MOB3B: variants seen among roughly 807,000 people sequenced by gnomAD.
The protein encoded by MOB3B is MOB kinase activator-like 2B.
A neutral mutation model predicts 18.7 loss-of-function variants in MOB3B; 7 were observed. That is an observed-to-expected ratio of 0.37 (90% CI 0.21 to 0.70). The LOEUF is 0.70. Among genes scored for constraint, MOB3B ranks in the 30% least tolerant of loss-of-function variants. The pLI is 0.52. For missense variants in MOB3B, 253 were observed against 281.3 expected (o/e 0.90, Z 0.72); for synonymous variants, 111 against 99.9 (o/e 1.11, Z -0.66).
chr9:27,487,024 A>G (rs1222803091), intron 1 of MOB3B, among the ~76,000 whole-genome samples: 2 of 152,042 alleles, frequency 1.3e-5, no homozygotes, highest in East Asian at 3.9e-4. Context: ...CCAGCTACTC[A>G]GGAGGCTGAG....
chr9:27,503,219 G>GA (rs899452705), intron 1 of MOB3B, among the ~76,000 whole-genome samples: 4 of 152,096 alleles, frequency 2.6e-5, no homozygotes, highest in Non-Finnish European at 5.9e-5. Flanking sequence ...ACTGGGAGTT[G>GA]AAAAAATTTC....
intron 3 of MOB3B, among the ~76,000 whole-genome samples, chr9:27,334,199 G>C (rs1343623926): frequency 6.6e-6 from 1 of 152,098 alleles, no homozygotes; most frequent in Non-Finnish European, 1.5e-5. Flanking sequence ...CAGTTATTTT[G>C]AGAAAAAATA....
intron 1 of MOB3B, among the ~76,000 whole-genome samples, chr9:27,521,990 C>G (rs1410204851): frequency 6.6e-6 from 1 of 151,926 alleles, no homozygotes. Flanking sequence ...CGCCTGTAAT[C>G]CCAGCACTTT....
intron 2 of MOB3B, among the ~76,000 whole-genome samples, chr9:27,373,198 T>C (rs576124398): frequency 2.8e-4 from 43 of 152,162 alleles, no homozygotes; most frequent in Non-Finnish European, 5.9e-4. Flanking sequence ...CACTTCAAGA[T>C]GGCAACAGCA....
At chr9:27,379,326 C>T (rs960794278) in intron 2 of MOB3B, among the ~76,000 whole-genome samples, 1 of 152,146 alleles carries the variant, frequency 6.6e-6, no homozygotes, top group Non-Finnish European at 1.5e-5. Context: ...GGGTTTCCTT[C>T]AACTCTGAAA....
intron 1 of MOB3B, among the ~76,000 whole-genome samples, chr9:27,499,981 T>C (rs1819964695): frequency 6.6e-6 from 1 of 152,350 alleles, no homozygotes; most frequent in Non-Finnish European, 1.5e-5. Context: ...ATTAGTCTTA[T>C]ACAAAGTCGG....
At chr9:27,449,795 G>T (rs1210655028) in intron 2 of MOB3B, among the ~76,000 whole-genome samples, 1 of 151,962 alleles carries the variant, frequency 6.6e-6, no homozygotes, top group Non-Finnish European at 1.5e-5. Flanking sequence ...GGCCAAGATG[G>T]CAAAACCCCA....
intron 1 of MOB3B, among the ~76,000 whole-genome samples, chr9:27,512,258 A>C (rs1423942166): frequency 6.6e-6 from 1 of 152,110 alleles, no homozygotes; most frequent in African/African-American, 2.4e-5. Flanking sequence ...CCATCCTATA[A>C]TTTTGGATGT....
chr9:27,469,032 C>T (rs1427648282), intron 1 of MOB3B, among the ~76,000 whole-genome samples: 2 of 152,156 alleles, frequency 1.3e-5, no homozygotes, highest in African/African-American at 4.8e-5. Flanking sequence ...TGCAATACCA[C>T]GCAAAGACCT....
At chr9:27,493,819 A>G (rs906417580) in intron 1 of MOB3B, among the ~76,000 whole-genome samples, 1 of 152,210 alleles carries the variant, frequency 6.6e-6, no homozygotes. Context: ...TTTGAGCAAT[A>G]CGAAATCTGG....
At chr9:27,338,364 A>G (rs949476033) in intron 3 of MOB3B, among the ~76,000 whole-genome samples, 4 of 151,918 alleles carry the variant, frequency 2.6e-5, no homozygotes, top group Admixed American at 1.3e-4. Context: ...AGGGAGCAGA[A>G]CTCTGGGTGT....
At chr9:27,525,451 G>T (rs577018814) in intron 1 of MOB3B, among the ~76,000 whole-genome samples, 1 of 152,180 alleles carries the variant, frequency 6.6e-6, no homozygotes, top group East Asian at 1.9e-4. Flanking sequence ...CCTCCTGCTC[G>T]GGGGGAAAAA....
intron 2 of MOB3B, among the ~76,000 whole-genome samples, chr9:27,395,306 G>A (rs895270646): frequency 6.6e-5 from 10 of 152,134 alleles, no homozygotes; most frequent in African/African-American, 2.4e-4. Flanking sequence ...GATTGTAAAT[G>A]TTCTCACCAC....
At chr9:27,521,022 A>T (rs1820316429) in intron 1 of MOB3B, among the ~76,000 whole-genome samples, 1 of 152,188 alleles carries the variant, frequency 6.6e-6, no homozygotes, top group Non-Finnish European at 1.5e-5. Flanking sequence ...TTTGTCATGA[A>T]TATTGTCAAT....
rs140668808 is a variant in MOB3B at position 27,452,035 on chromosome 9, A to G, written c.418+3098T>C. ...TGACCGTAACATCTCACCTTGGAAA[A>G]GTTAAACAGAGAAAATGGAACCCTA... On this transcript the variant is annotated intron_variant, in intron 2 of 3. Coordinates refer to ENST00000262244, the MANE Select transcript of MOB3B (RefSeq NM_024761.5). Among the ~76,000 whole-genome samples the G allele has an allele frequency of 9.2e-5, 14 of 152,342 alleles. 1 individual carries two copies. In the East Asian group the frequency reaches 2.7e-3, roughly 29 times the overall value.
intron 3 of MOB3B, among the ~76,000 whole-genome samples, chr9:27,342,667 C>T (rs1169715675): frequency 1.3e-5 from 2 of 152,220 alleles, no homozygotes; most frequent in Non-Finnish European, 2.9e-5. Flanking sequence ...GGGGTTTCGC[C>T]TTGTTGGCCG....
intron 2 of MOB3B, among the ~76,000 whole-genome samples, chr9:27,365,047 A>G (rs1224923184): frequency 3.9e-5 from 6 of 152,086 alleles, no homozygotes; most frequent in African/African-American, 1.4e-4. Context: ...TCCACCTTTG[A>G]AAGCACCTGG....
At chr9:27,504,892 T>G (rs1447887511) in intron 1 of MOB3B, among the ~76,000 whole-genome samples, 1 of 152,130 alleles carries the variant, frequency 6.6e-6, no homozygotes, top group Non-Finnish European at 1.5e-5. Context: ...TTCCTTGCCT[T>G]TTCTAGCTTC....
At chr9:27,342,484 C>T (rs903825128) in intron 3 of MOB3B, among the ~76,000 whole-genome samples, 7 of 151,348 alleles carry the variant, frequency 4.6e-5, no homozygotes, top group Non-Finnish European at 1.0e-4. Flanking sequence ...TCCCTCTCCC[C>T]GGTCTCCCTC....
Sources: allele counts gnomAD v4.1 joint callset (sites outside exome capture counted in the v4.1 genomes callset), GRCh38; gene constraint gnomAD v4.1.1; transcripts MANE v1.5; gene names NCBI Gene and HGNC (gene_info 2026-07-23, HGNC 2026-07-21).